FAM149A: variants seen among roughly 807,000 people sequenced by gnomAD.
The protein encoded by FAM149A is family with sequence similarity 149 member A.
Under a neutral mutation model 78.2 loss-of-function variants are expected in FAM149A, and 71 were observed. The ratio of observed to expected loss-of-function variants is 0.91; its 90% CI spans 0.75 to 1.11. The LOEUF is 1.11. Among genes scored for constraint, FAM149A ranks in the 50% least tolerant of loss-of-function variants. The probability of loss-of-function intolerance (pLI) is 0.00; values close to 1 mark genes in which losing one functional copy is unlikely to be tolerated. For missense variants in FAM149A, 1,036 were observed against 971.0 expected, an observed-to-expected ratio of 1.07 and a Z score of -0.89; for synonymous variants, 446 against 410.5, an observed-to-expected ratio of 1.09 and a Z score of -1.04.
Position 186,133,295 on chromosome 4 carries a change from C to G in FAM149A, c.567-15878C>G, listed in dbSNP as rs547788401. ...AGTGTTGTGCAGTCACCACCGCCAT[C>G]CATCTCCAGAAGTTTTTCATCATCT... On this transcript the variant is annotated intron_variant, in intron 1 of 13. Transcript: ENST00000389354. 2.2e-4 allele frequency: 157 copies of G among 701,126 alleles called. No individual in the cohort carries two copies. The South Asian group carries it at 8.8e-3, about 39-fold the overall frequency. The allele number at this position is 701,126 out of a possible 1,614,324, so 43.4% of individuals were successfully genotyped here.
chr4:186,109,543 G>A, intron 1 of FAM149A: 1 of 985,348 alleles, frequency 1.0e-6, no homozygotes, highest in Non-Finnish European at 1.2e-6. Context: ...TTCTGGGCAG[G>A]TCATTCATTT....
intron 8 of FAM149A, 165 bp downstream of exon 8, chr4:186,157,884 C>T (rs1293658755): frequency 1.3e-6 from 2 of 1,537,620 alleles, no homozygotes; most frequent in East Asian, 4.9e-5. Context: ...GGGAAACCTT[C>T]ACAGTGTCAC....
intron 13 of FAM149A, chr4:186,167,716 T>A (rs1269603628): frequency 3.8e-6 from 1 of 263,836 alleles, no homozygotes; most frequent in Non-Finnish European, 7.5e-6. Flanking sequence ...ATTCTCAGCC[T>A]GGTATGCTGT....
intron 1 of FAM149A, chr4:186,123,791 AGAGTAAAATGAAATCCCAGACCCTTCAC>A: frequency 1.0e-6 from 1 of 968,572 alleles, no homozygotes; most frequent in African/African-American, 1.8e-5. Context: ...GCTTTTCAGC[AGAGTAAAATGAAATCCCAGACCCTTCAC>A]GGTCCTTGAT....
In FAM149A at chr4:186,105,576, T is replaced by C; in HGVS notation, c.500T>C (p.Leu167Pro). 1 of 1,089,180 alleles carries C rather than the reference T, an allele frequency of 9.2e-7. No homozygotes were observed. The highest frequency in any genetic ancestry group is 1.1e-6 in the Non-Finnish European group (1 of 890,728). 67.5% of individuals were successfully genotyped at this position (1,089,180 alleles called of 1,614,324 possible). Residue 167 changes from leucine to proline, a missense_variant, in exon 1 of 14, where the codon CTG becomes CCG. Around this residue, in one of 3 missense-constraint regions of FAM149A, gnomAD observed 316 missense variants for 241.9 expected, o/e 1.31. Transcript: ENST00000389354. ...GCCCCCGGGGCTGGCCCCAGAACCC[T>C]GTTCCTTACGCTGCCTGACATCGGC... is the stretch of plus-strand genomic sequence containing the variant.
At chr4:186,159,712 A>G (rs1370831173) in intron 8 of FAM149A, among the ~76,000 whole-genome samples, 3 of 152,058 alleles carry the variant, frequency 2.0e-5, no homozygotes, top group Admixed American at 2.0e-4. Flanking sequence ...TTTTTCTTGA[A>G]TTGCATTTTT....
Position 186,112,344 on chromosome 4 carries a change from A to G in FAM149A, c.566+6702A>G, listed in dbSNP as rs2099311655. On this transcript the variant is annotated intron_variant, in intron 1 of 13. Coordinates refer to ENST00000389354, the MANE Select transcript of FAM149A (RefSeq NM_001367768.3). Reference sequence around the variant, plus strand: ...ATATACAATCATGTCGTCTGCAAACAGGGACAATTTGACTTCCTCTTTTCC... The same window carrying G: ...ATATACAATCATGTCGTCTGCAAACGGGGACAATTTGACTTCCTCTTTTCC... Among the ~76,000 whole-genome samples the G allele has an allele frequency of 2.1e-5, 3 of 142,746 alleles. No individual in the cohort carries two copies. The South Asian group carries it at 7.0e-4, about 33-fold the overall frequency. 93.6% of individuals were successfully genotyped at this position (142,746 alleles called of 152,430 possible). A position where few individuals can be genotyped will look rare whatever the true frequency, so the allele number is the denominator to read the frequency against.
intron 13 of FAM149A, among the ~76,000 whole-genome samples, chr4:186,171,476 GAACTACTAAC>G (rs1735524849): frequency 6.6e-6 from 1 of 152,118 alleles, no homozygotes; most frequent in African/African-American, 2.4e-5. Context: ...AAAGCACTGG[GAACTACTAAC>G]TTATCAACTT....
chr4:186,158,717 C>G, intron 8 of FAM149A: 1 of 1,020,912 alleles, frequency 9.8e-7, no homozygotes, highest in Non-Finnish European at 1.2e-6. Context: ...TCTGAAGGTG[C>G]AGGTACCCCC....
At chr4:186,138,961 A>G (rs1195678671) in intron 1 of FAM149A, among the ~76,000 whole-genome samples, 1 of 152,142 alleles carries the variant, frequency 6.6e-6, no homozygotes, top group African/African-American at 2.4e-5. Context: ...GGAGACACAC[A>G]CCACTGGGGT....
chr4:186,112,024 A>G (rs1212714425), intron 1 of FAM149A, among the ~76,000 whole-genome samples: 1 of 149,116 alleles, frequency 6.7e-6, no homozygotes, highest in African/African-American at 2.5e-5. Flanking sequence ...CTTCCTACCC[A>G]TGAGCATGGA....
chr4:186,142,591 G>A (rs2099326302), intron 1 of FAM149A, among the ~76,000 whole-genome samples: 1 of 152,186 alleles, frequency 6.6e-6, no homozygotes, highest in Non-Finnish European at 1.5e-5. Context: ...TAGAGCTGAC[G>A]GCTTCTGCCT....
intron 13 of FAM149A, chr4:186,170,888 C>T (rs1251354875): frequency 6.6e-6 from 1 of 152,286 alleles, no homozygotes; most frequent in Non-Finnish European, 1.5e-5. Context: ...AGCTTCTGCA[C>T]TAATTTCGAA....
At chr4:186,163,045 C>A in intron 9 of FAM149A, 97 bp downstream of exon 9, 2 of 748,506 alleles carry the variant, frequency 2.7e-6, no homozygotes, top group Non-Finnish European at 2.3e-6. Context: ...CACGAAGGTC[C>A]CATTTAATCC....
chr4:186,144,686 A>C lies in FAM149A; in HGVS notation c.567-4487A>C. 2.1e-6 allele frequency: 1 copy of C among 475,484 alleles called. No homozygotes were observed. The highest frequency in any genetic ancestry group is 8.2e-5 in the South Asian group (1 of 12,152). The allele number at this position is 475,484 out of a possible 1,614,324, so 29.5% of individuals were successfully genotyped here. ...CGCTGGGTTGGAAACCCGGCCCGGC[A>C]GGGAGCGGGGAAGGCGCGCTTTCCC... On this transcript the variant is annotated intron_variant, in intron 1 of 13. Transcript: ENST00000389354. This position sits in a 1 kb window ranked among gnomAD's most constrained non-coding sequence, Gnocchi z 4.2.
intron 11 of FAM149A, among the ~76,000 whole-genome samples, chr4:186,166,411 G>T (rs1455325806): frequency 6.6e-6 from 1 of 152,186 alleles, no homozygotes; most frequent in Non-Finnish European, 1.5e-5. Context: ...AGCACTTTGG[G>T]AGGCTGAGGT....
chr4:186,106,879 G>A (rs1400571180), intron 1 of FAM149A, among the ~76,000 whole-genome samples: 1 of 152,150 alleles, frequency 6.6e-6, no homozygotes, highest in Non-Finnish European at 1.5e-5. Context: ...GAACCCGGGA[G>A]GCGGAGCTTG....
At chr4:186,138,881 T>C (rs1326332333) in intron 1 of FAM149A, among the ~76,000 whole-genome samples, 2 of 152,270 alleles carry the variant, frequency 1.3e-5, no homozygotes, top group South Asian at 4.2e-4. Flanking sequence ...GCTTCCATAC[T>C]GCACTCTTGG....
intron 1 of FAM149A, among the ~76,000 whole-genome samples, chr4:186,129,105 CTG>C (rs918038578): frequency 6.7e-6 from 1 of 149,576 alleles, no homozygotes; most frequent in African/African-American, 2.5e-5. Flanking sequence ...GTGTGTCTCT[CTG>C]TGTCTGTGTA....
Sources: allele counts gnomAD v4.1 joint callset (sites outside exome capture counted in the v4.1 genomes callset), GRCh38; gene constraint gnomAD v4.1.1; regional missense constraint gnomAD v4.1.1; non-coding constraint Gnocchi (gnomAD v3.1); transcripts MANE v1.5; gene names NCBI Gene and HGNC (gene_info 2026-07-23, HGNC 2026-07-21).